Variants in RGPD4 observed in about 807,000 individuals in gnomAD.
RGPD4 encodes ranBP2-like and GRIP domain-containing protein 4.
Under a neutral mutation model 141.1 loss-of-function variants are expected in RGPD4, and 84 were observed. The ratio of observed to expected loss-of-function variants is 0.60; its 90% CI spans 0.50 to 0.71. The LOEUF (loss-of-function observed/expected upper bound fraction) is 0.71. Ranked by LOEUF, RGPD4 falls within the 30% of genes least tolerant of loss-of-function variation. The probability of loss-of-function intolerance (pLI) is 0.00; values close to 1 mark genes in which losing one functional copy is unlikely to be tolerated. For synonymous variants in RGPD4, 298 were observed against 566.8 expected (o/e 0.53, Z 6.74); for missense variants, 918 against 1,622.4 (o/e 0.57, Z 7.46).
intron 1 of RGPD4, among the ~76,000 whole-genome samples, chr2:107,829,976 G>A (rs556594778): frequency 0.013 from 2,026 of 152,174 alleles, 43 homozygotes; most frequent in African/African-American, 0.046. Context: ...AGCTTTGGCG[G>A]CTGCGTCGAG....
At chr2:107,832,063 A>G (rs1681513563) in intron 1 of RGPD4, among the ~76,000 whole-genome samples, 1 of 150,096 alleles carries the variant, frequency 6.7e-6, no homozygotes, top group Admixed American at 6.6e-5. Context: ...TCCTGGACTG[A>G]ATAATTGCTT....
intron 6 of RGPD4, among the ~76,000 whole-genome samples, chr2:107,845,876 A>G (rs373067644): frequency 7.2e-6 from 1 of 139,280 alleles, no homozygotes; most frequent in Non-Finnish European, 1.5e-5. Flanking sequence ...CACCTGGCTA[A>G]TTTTTGTATT....
chr2:107,888,857 A>C (rs1188205111), intron 22 of RGPD4, among the ~76,000 whole-genome samples: 2 of 144,078 alleles, frequency 1.4e-5, no homozygotes, highest in Non-Finnish European at 3.0e-5. Context: ...CCTTCAGATG[A>C]GACCCCAGCC....
chr2:107,830,625 A>G (rs1681450758), intron 1 of RGPD4, among the ~76,000 whole-genome samples: 1 of 152,116 alleles, frequency 6.6e-6, no homozygotes, highest in Non-Finnish European at 1.5e-5. Context: ...AGTAACTGGA[A>G]CATGTGAAGC....
intron 20 of RGPD4, among the ~76,000 whole-genome samples, chr2:107,873,668 G>T (rs1209422958): frequency 6.6e-6 from 1 of 151,292 alleles, no homozygotes; most frequent in Non-Finnish European, 1.5e-5. Flanking sequence ...AAGGAGCAAA[G>T]AATGAAACTA....
At chr2:107,890,418 C>A (rs1675622770) in intron 22 of RGPD4, among the ~76,000 whole-genome samples, 1 of 140,844 alleles carries the variant, frequency 7.1e-6, no homozygotes, top group East Asian at 2.0e-4. Flanking sequence ...CATGGTGGCA[C>A]ACACCTTGTG....
At chr2:107,829,692 G>T (rs1243875601) in intron 1 of RGPD4, among the ~76,000 whole-genome samples, 1 of 152,134 alleles carries the variant, frequency 6.6e-6, no homozygotes, top group Non-Finnish European at 1.5e-5. Flanking sequence ...TGGGGGGACC[G>T]CGGCGGGCGG....
At chr2:107,827,133 G>T (rs575048478) in intron 1 of RGPD4, 48 bp downstream of exon 1, 2 of 581,672 alleles carry the variant, frequency 3.4e-6, no homozygotes, top group Non-Finnish European at 4.6e-6. Context: ...GCCGGGCGGC[G>T]GAGGCCTCGA....
chr2:107,882,719 G>A lies in RGPD4; in HGVS notation c.5112G>A (p.Glu1704=), dbSNP rs1175961504. ...IRRLERNQEQ[E]ESAANVEHLK... is the part of the protein sequence containing the mutation. The stretch of plus-strand genomic sequence containing the variant: ...GATTGGAAAGGAATCAAGAGCAAGA[G>A]GAGTCTGCAGCTAACGTGGAACACT... The change falls in exon 22 of 23, where the codon GAG becomes GAA. Residue 1704 remains glutamate, a synonymous_variant. Coordinates refer to ENST00000408999, the MANE Select transcript of RGPD4 (RefSeq NM_182588.3). 2.5e-6 allele frequency: 4 copies of A among 1,611,528 alleles called. No individual in the cohort carries two copies. Among genetic ancestry groups the A allele is most frequent in the Admixed American group, 3.3e-5 (2 of 59,984 alleles).
chr2:107,889,550 C>T (rs921242882), intron 22 of RGPD4, among the ~76,000 whole-genome samples: 1 of 139,142 alleles, frequency 7.2e-6, no homozygotes, highest in Non-Finnish European at 1.5e-5. Flanking sequence ...TGTGATTCTA[C>T]TTATATGACA....
At chr2:107,878,220 G>T (rs1374738222) in intron 20 of RGPD4, among the ~76,000 whole-genome samples, 3 of 151,132 alleles carry the variant, frequency 2.0e-5, no homozygotes, top group African/African-American at 4.9e-5. Flanking sequence ...TCATTTTATT[G>T]TGTACCTCTG....
intron 20 of RGPD4, among the ~76,000 whole-genome samples, chr2:107,877,726 TAACA>T (rs1398341550): frequency 2.0e-5 from 3 of 151,782 alleles, no homozygotes; most frequent in Non-Finnish European, 4.4e-5. Flanking sequence ...CTGTGTTATC[TAACA>T]GTTTATCTTA....
intron 6 of RGPD4, among the ~76,000 whole-genome samples, chr2:107,844,404 T>G (rs1477658836): frequency 2.6e-5 from 4 of 152,230 alleles, no homozygotes; most frequent in Non-Finnish European, 5.9e-5. Flanking sequence ...GTATTGTCTG[T>G]GGCTGCTTAC....
intron 9 of RGPD4, among the ~76,000 whole-genome samples, chr2:107,858,572 G>A: frequency 6.6e-6 from 1 of 152,224 alleles, no homozygotes; most frequent in Non-Finnish European, 1.5e-5. Context: ...CCACGTAGCT[G>A]GGACTATAGG....
chr2:107,870,829 A>C lies in RGPD4; in HGVS notation c.2825A>C (p.Glu942Ala). ...GAAAAGGAAAGTGAAAAGCCTCTTG[A>C]AAATGATACTGGCTTCCAGGCTCAG... Reference protein sequence around the residue: ...NQEKESEKPLENDTGFQAQDI... With the variant: ...NQEKESEKPLANDTGFQAQDI... The change falls in exon 20 of 23, where the codon GAA (glutamate) becomes GCA (alanine). Residue 942 changes from glutamate (E) to alanine (A), a missense_variant. By Grantham distance (107) the Glu-to-Ala change is moderately radical. Coordinates refer to ENST00000408999, the MANE Select transcript of RGPD4 (RefSeq NM_182588.3). The C allele has an allele frequency of 6.2e-7, 1 of 1,610,070 alleles. No individual in the cohort carries two copies.
chr2:107,880,364 C>T (rs1675325283), intron 21 of RGPD4, among the ~76,000 whole-genome samples: 2 of 136,850 alleles, frequency 1.5e-5, no homozygotes, highest in African/African-American at 2.8e-5. Context: ...CCCAGGTTCA[C>T]GCCATTCTCC....
intron 22 of RGPD4, among the ~76,000 whole-genome samples, chr2:107,885,180 T>C (rs2104520580): frequency 6.6e-6 from 1 of 152,068 alleles, no homozygotes; most frequent in Admixed American, 6.6e-5. Flanking sequence ...CTAACAAAAG[T>C]AAACCTAATT....
chr2:107,829,674 AAG>A (rs1475555529), intron 1 of RGPD4, among the ~76,000 whole-genome samples: 1 of 152,120 alleles, frequency 6.6e-6, no homozygotes, highest in Non-Finnish European at 1.5e-5. Context: ...CGAGCGCAGG[AAG>A]AGTCCTGGGG....
At chr2:107,869,745 G>A (rs1356019325) in intron 18 of RGPD4, 138 bp from the exon 19 acceptor site, 15 of 547,992 alleles carry the variant, frequency 2.7e-5, no homozygotes, top group Middle Eastern at 4.8e-4. Context: ...GTATTTTGAT[G>A]TACAGAAATT....
Sources: allele counts gnomAD v4.1 joint callset (sites outside exome capture counted in the v4.1 genomes callset), GRCh38; gene constraint gnomAD v4.1.1; transcripts MANE v1.5; gene names NCBI Gene and HGNC (gene_info 2026-07-23, HGNC 2026-07-21).